The following MOCS1 variants were observed in gnomAD, a reference collection of about 807,000 sequenced individuals.
MOCS1 encodes molybdenum cofactor biosynthesis protein 1.
MOCS1 carries 39 observed loss-of-function variants against 57.6 expected under a neutral mutation model. The ratio of observed to expected loss-of-function variants is 0.68; its 90% CI spans 0.52 to 0.88. The LOEUF (loss-of-function observed/expected upper bound fraction) is 0.88, where lower values mean the gene tolerates loss of function less well. MOCS1 is among the 40% of genes least tolerant of loss of function. The probability of loss-of-function intolerance (pLI) is 0.00; values close to 1 mark genes in which losing one functional copy is unlikely to be tolerated. For missense variants in MOCS1, 795 were observed against 831.1 expected (o/e 0.96, Z 0.53); for synonymous variants, 334 against 335.7 (o/e 1.00, Z 0.05).
At chr6:39,910,811 TG>T (rs1321178405) in intron 8 of MOCS1, among the ~76,000 whole-genome samples, 1 of 152,176 alleles carries the variant, frequency 6.6e-6, no homozygotes, top group Non-Finnish European at 1.5e-5. Flanking sequence ...GGACTTCACC[TG>T]GTACCACCCT....
chr6:39,912,511 C>A, intron 7 of MOCS1, 137 bp from the exon 8 acceptor site: 1 of 713,226 alleles, frequency 1.4e-6, no homozygotes. Context: ...ACCCAAGGCC[C>A]TCAGGTGATA....
chr6:39,913,304 C>T lies in MOCS1; in HGVS notation c.757+13G>A. ...CCCTTCTTCCCTCCCTCAACCCATC[C>T]CTGGTCACTGACCATCAAAGGGCAT... On this transcript the variant is annotated intron_variant, in intron 6 of 10. Coordinates refer to ENST00000340692, the MANE Select transcript of MOCS1 (RefSeq NM_001358530.2). 1 of 1,610,160 alleles carries T rather than the reference C, an allele frequency of 6.2e-7. No individual in the cohort carries two copies. The highest frequency in any genetic ancestry group is 8.5e-7 in the Non-Finnish European group (1 of 1,176,404).
At chr6:39,910,487 C>T (rs1203094921) in intron 8 of MOCS1, among the ~76,000 whole-genome samples, 2 of 152,190 alleles carry the variant, frequency 1.3e-5, no homozygotes, top group Non-Finnish European at 2.9e-5. Flanking sequence ...GGCATGACAA[C>T]TTAAGGTCAA....
chr6:39,913,810 G>T lies in MOCS1; in HGVS notation c.609C>A (p.Ile203=). 6.2e-7 allele frequency: 1 copy of T among 1,614,216 alleles called. No individual in the cohort carries two copies. Among genetic ancestry groups the T allele is most frequent in the South Asian group, 1.1e-5 (1 of 91,086 alleles). ...TGTAGCCCAGCTCGATGGCCTTGTGGATGCCCTCCATGACCTTGTGGAAGC... is the reference window on the plus strand; with the variant it reads ...TGTAGCCCAGCTCGATGGCCTTGTGTATGCCCTCCATGACCTTGTGGAAGC... ...RKGFHKVMEG[I]HKAIELGYNP... Residue 203 remains isoleucine (I), a synonymous_variant, in exon 5 of 11, where the codon ATC becomes ATA. Coordinates refer to ENST00000340692, the MANE Select transcript of MOCS1 (RefSeq NM_001358530.2).
chr6:39,913,850 C>T lies in MOCS1; in HGVS notation c.584-15G>A, dbSNP rs1263328704. 6.2e-7 allele frequency: 1 copy of T among 1,613,924 alleles called. No homozygotes were observed. On this transcript the variant is annotated splice_polypyrimidine_tract_variant and intron_variant, in intron 4 of 10. Coordinates refer to ENST00000340692, the MANE Select transcript of MOCS1 (RefSeq NM_001358530.2). The stretch of plus-strand genomic sequence containing the variant: ...CTTGTGGAAGCCTGGGAGGGAGAAA[C>T]AAGGATCCAGGAACTTCTGTCCTCT...
chr6:39,916,796 T>C (rs1026118696), intron 3 of MOCS1, among the ~76,000 whole-genome samples: 2 of 151,928 alleles, frequency 1.3e-5, no homozygotes, highest in East Asian at 1.9e-4. Flanking sequence ...CCCAGAAAGG[T>C]AAATTAGTAC....
chr6:39,904,903 G>A lies in MOCS1; in HGVS notation c.*1454C>T, dbSNP rs1295737876. On this transcript the variant is annotated 3_prime_UTR_variant, in exon 11 of 11. Coordinates refer to ENST00000340692, the MANE Select transcript of MOCS1 (RefSeq NM_001358530.2). Reference sequence around the variant, plus strand: ...TTAAACTTGTGCCTTCTTCCTATGAGGGGATCTGGGGTGGGCTGAGAGTGT... The same window carrying A: ...TTAAACTTGTGCCTTCTTCCTATGAAGGGATCTGGGGTGGGCTGAGAGTGT... 3 of 453,994 alleles carry A rather than the reference G, an allele frequency of 6.6e-6. No homozygotes were observed. The highest frequency in any genetic ancestry group is 2.0e-5 in the African/African-American group (1 of 49,994). 28.1% of individuals were successfully genotyped at this position (453,994 alleles called of 1,614,324 possible). A position where few individuals can be genotyped will look rare whatever the true frequency, so the allele number is the denominator to read the frequency against.
intron 9 of MOCS1, 88 bp downstream of exon 9, chr6:39,909,747 T>C (rs1767204163): frequency 6.3e-7 from 1 of 1,576,428 alleles, no homozygotes; most frequent in Non-Finnish European, 8.6e-7. Context: ...AGGTGTTCCT[T>C]GGTCATCTCA....
At chr6:39,917,335 A>C (rs779036698) in intron 3 of MOCS1, among the ~76,000 whole-genome samples, 22 of 152,184 alleles carry the variant, frequency 1.4e-4, no homozygotes, top group Admixed American at 4.6e-4. Flanking sequence ...AAAACTCACT[A>C]TCATGAGAAC....
chr6:39,917,824 T>C (rs1243167722), intron 3 of MOCS1, among the ~76,000 whole-genome samples: 2 of 152,002 alleles, frequency 1.3e-5, no homozygotes, highest in African/African-American at 4.8e-5. Context: ...TTAAACAATA[T>C]ATAGTTACAA....
chr6:39,931,798 C>T (rs1768655920), intron 1 of MOCS1, among the ~76,000 whole-genome samples: 1 of 152,132 alleles, frequency 6.6e-6, no homozygotes, highest in Non-Finnish European at 1.5e-5. Context: ...CCTAGACTCA[C>T]CCTCCCTGCT....
rs1008893044 is a variant in MOCS1, at chr6:39,904,734, G to A, written c.*1623C>T. ...TCTACCAGGGATGCCTTCACGCCAA[G>A]GCTGTTCTCACCAGCTGCCTCAGAT... On this transcript the variant is annotated 3_prime_UTR_variant, in exon 11 of 11. Coordinates refer to ENST00000340692, the MANE Select transcript of MOCS1 (RefSeq NM_001358530.2). The A allele has an allele frequency of 4.0e-5, 18 of 453,980 alleles. No homozygotes were observed. Among genetic ancestry groups the A allele is most frequent in the Non-Finnish European group, 7.9e-5 (18 of 226,796 alleles). 28.1% of individuals were successfully genotyped at this position (453,980 alleles called of 1,614,324 possible). A position where few individuals can be genotyped will look rare whatever the true frequency, so the allele number is the denominator to read the frequency against.
At position 39,904,273 on chromosome 6, in the gene MOCS1, G is replaced by C. The variant is rs1242520732; in HGVS notation, c.*2084C>G. 2 of 456,634 alleles carry C rather than the reference G, an allele frequency of 4.4e-6. No individual in the cohort carries two copies. The highest frequency in any genetic ancestry group is 8.8e-6 in the Non-Finnish European group (2 of 226,982). 28.3% of individuals were successfully genotyped at this position (456,634 alleles called of 1,614,324 possible). On this transcript the variant is annotated 3_prime_UTR_variant, in exon 11 of 11. Coordinates refer to ENST00000340692, the MANE Select transcript of MOCS1 (RefSeq NM_001358530.2). Reference sequence around the variant, plus strand: ...CTCAGCCTTCTCACTCTAAAAGAAAGATATTTTTCTATTTATTTTCTACAT... The same window carrying C: ...CTCAGCCTTCTCACTCTAAAAGAAACATATTTTTCTATTTATTTTCTACAT...
intron 4 of MOCS1, 78 bp from the exon 5 acceptor site, chr6:39,913,913 G>A: frequency 6.3e-6 from 9 of 1,421,408 alleles, no homozygotes; most frequent in African/African-American, 1.4e-5. Flanking sequence ...AAGCACCAGA[G>A]CCCATCTAGT....
intron 2 of MOCS1, among the ~76,000 whole-genome samples, chr6:39,926,345 T>A (rs960422167): frequency 1.4e-4 from 22 of 152,228 alleles, no homozygotes; most frequent in Admixed American, 4.6e-4. Flanking sequence ...CCACTCTATC[T>A]ATTTCAGGTT....
At chr6:39,930,160 C>T (rs1768572237) in intron 1 of MOCS1, among the ~76,000 whole-genome samples, 1 of 152,274 alleles carries the variant, frequency 6.6e-6, no homozygotes, top group African/African-American at 2.4e-5. Context: ...TGCATCTTCT[C>T]TCCTCTAACA....
intron 1 of MOCS1, among the ~76,000 whole-genome samples, chr6:39,931,491 G>A (rs1220178707): frequency 6.6e-6 from 1 of 152,118 alleles, no homozygotes; most frequent in African/African-American, 2.4e-5. Context: ...AAAGAGCCTA[G>A]CCTAGCTCGA....
At chr6:39,932,307 C>T (rs1182608817) in intron 1 of MOCS1, 1 of 152,226 alleles carries the variant, frequency 6.6e-6, no homozygotes, top group East Asian at 1.9e-4. Context: ...ACTCACCTCC[C>T]CTTAGAGTCT....
At chr6:39,924,876 C>T (rs920748175) in intron 3 of MOCS1, among the ~76,000 whole-genome samples, 3 of 151,964 alleles carry the variant, frequency 2.0e-5, no homozygotes, top group Admixed American at 6.6e-5. Context: ...GTCAGGGTTT[C>T]GAGACCAGCT....
Sources: allele counts gnomAD v4.1 joint callset (sites outside exome capture counted in the v4.1 genomes callset), GRCh38; gene constraint gnomAD v4.1.1; transcripts MANE v1.5; gene names NCBI Gene and HGNC (gene_info 2026-07-23, HGNC 2026-07-21).